Variants in SLC30A9 observed in about 807,000 individuals in gnomAD.
SLC30A9 encodes proton-coupled zinc antiporter SLC30A9, mitochondrial.
Under a neutral mutation model 87.5 loss-of-function variants are expected in SLC30A9, and 58 were observed. The observed-to-expected ratio is 0.66, with a 90% CI of 0.54 to 0.82. The LOEUF (loss-of-function observed/expected upper bound fraction) is 0.82, where lower values mean the gene tolerates loss of function less well. SLC30A9 is among the 40% of genes least tolerant of loss of function. SLC30A9 has a pLI of 0.00. For synonymous variants in SLC30A9, 234 were observed against 233.0 expected (o/e 1.00, Z -0.04); for missense variants, 557 against 679.1 (o/e 0.82, Z 2.00).
At chr4:42,026,665 G>A (rs1283628005) in intron 6 of SLC30A9, among the ~76,000 whole-genome samples, 1 of 150,158 alleles carries the variant, frequency 6.7e-6, no homozygotes, top group African/African-American at 2.4e-5. Context: ...GGTTTGAGAA[G>A]TTAATAAATT....
intron 17 of SLC30A9, among the ~76,000 whole-genome samples, chr4:42,085,313 G>C (rs1221980011): frequency 6.6e-6 from 1 of 152,162 alleles, no homozygotes; most frequent in East Asian, 1.9e-4. Flanking sequence ...CAGTGTAATA[G>C]GAGCTTGGGA....
intron 2 of SLC30A9, among the ~76,000 whole-genome samples, chr4:42,007,393 A>G (rs1255389042): frequency 2.0e-5 from 3 of 152,156 alleles, no homozygotes; most frequent in Non-Finnish European, 2.9e-5. Context: ...TTAACAGATG[A>G]TGCAGTGACC....
intron 2 of SLC30A9, among the ~76,000 whole-genome samples, chr4:42,005,185 C>A (rs886342599): frequency 6.6e-6 from 1 of 152,058 alleles, no homozygotes; most frequent in African/African-American, 2.4e-5. Context: ...ACTGTGAGTT[C>A]TTCATTTTCC....
At chr4:42,036,471 T>G (rs1716679904) in intron 7 of SLC30A9, among the ~76,000 whole-genome samples, 1 of 152,144 alleles carries the variant, frequency 6.6e-6, no homozygotes, top group Non-Finnish European at 1.5e-5. Context: ...TGAAATGACT[T>G]ACCAAAGTCC....
chr4:42,001,847 C>G, intron 2 of SLC30A9, 67 bp downstream of exon 2: 2 of 1,164,966 alleles, frequency 1.7e-6, no homozygotes, highest in Non-Finnish European at 2.4e-6. Context: ...ATTATTTGTT[C>G]CCTGGATGTT....
At chr4:42,010,896 G>T (rs1275955403) in intron 2 of SLC30A9, among the ~76,000 whole-genome samples, 1 of 152,176 alleles carries the variant, frequency 6.6e-6, no homozygotes. Flanking sequence ...TAGGAGTTTG[G>T]CTTGTTTGGA....
rs11935648 is a variant in SLC30A9, at chr4:42,088,366, G to A, written c.*2240G>A. The A allele has an allele frequency of 0.65, 99,655 of 152,458 alleles. 37,068 individuals are homozygous for A. The highest frequency in any genetic ancestry group is 0.96 in the East Asian group (5,002 of 5,192). 9.4% of individuals were successfully genotyped at this position (152,458 alleles called of 1,614,324 possible). On this transcript the variant is annotated 3_prime_UTR_variant, in exon 18 of 18. Transcript: ENST00000264451. ...TCAAGACCAGCCTGGGCAACACAGC[G>A]AGACCTCATCTCTACTAAAAAAAGT...
chr4:42,029,179 G>A (rs1577694730), intron 6 of SLC30A9: 1 of 370,926 alleles, frequency 2.7e-6, no homozygotes, highest in Admixed American at 3.8e-5. Context: ...CCACCCTTCC[G>A]ACTGCGGCAG....
At position 42,030,599 on chromosome 4, in the gene SLC30A9, T is replaced by G. The variant is rs76510460; in HGVS notation, c.611-4676T>G. Among the ~76,000 whole-genome samples, 175 of 148,484 alleles carry G rather than the reference T, an allele frequency of 1.2e-3. 1 individual carries two copies. The highest frequency in any genetic ancestry group is 3.8e-3 in the African/African-American group (151 of 40,184). Reference sequence around the variant, plus strand: ...GCATGGTCTTTTTTTTTTTTTTTTTTGGGCTCTTTCAAAGATAATGGCCCA... The same window carrying G: ...GCATGGTCTTTTTTTTTTTTTTTTTGGGGCTCTTTCAAAGATAATGGCCCA... On this transcript the variant is annotated intron_variant, in intron 6 of 17. Transcript: ENST00000264451.
chr4:42,010,985 C>T (rs1715416316), intron 2 of SLC30A9, among the ~76,000 whole-genome samples: 1 of 152,086 alleles, frequency 6.6e-6, no homozygotes, highest in South Asian at 2.1e-4. Flanking sequence ...CCCACCCCCA[C>T]AGAAGGAGAC....
chr4:41,996,099 T>G (rs1714686486), intron 1 of SLC30A9, among the ~76,000 whole-genome samples: 1 of 152,004 alleles, frequency 6.6e-6, no homozygotes, highest in South Asian at 2.1e-4. Context: ...TTTTTTATTT[T>G]TTGTGGTTTT....
chr4:42,070,430 G>C, intron 14 of SLC30A9, 96 bp from the exon 15 acceptor site: 1 of 884,272 alleles, frequency 1.1e-6, no homozygotes, highest in Non-Finnish European at 1.7e-6. Context: ...AATTTCAAGT[G>C]CCTTGATTTA....
chr4:42,010,220 A>G (rs912847797), intron 2 of SLC30A9, among the ~76,000 whole-genome samples: 2 of 152,168 alleles, frequency 1.3e-5, no homozygotes, highest in African/African-American at 4.8e-5. Context: ...CACACCTGTA[A>G]TCTAGCACTT....
At chr4:42,002,788 C>G (rs1357987667) in intron 2 of SLC30A9, among the ~76,000 whole-genome samples, 5 of 152,022 alleles carry the variant, frequency 3.3e-5, no homozygotes, top group African/African-American at 1.2e-4. Context: ...TTGATATACA[C>G]TCCCTGATGG....
intron 7 of SLC30A9, 54 bp downstream of exon 7, chr4:42,035,387 A>G (rs1260953202): frequency 7.6e-6 from 12 of 1,572,042 alleles, no homozygotes; most frequent in East Asian, 4.5e-5. Flanking sequence ...CAAAATTCTA[A>G]TATCAGTCCA....
At chr4:42,067,232 C>A in intron 14 of SLC30A9, 40 bp downstream of exon 14, 1 of 1,211,884 alleles carries the variant, frequency 8.3e-7, no homozygotes, top group Non-Finnish European at 1.2e-6. Context: ...ATTTGTCCTA[C>A]TTAAATAATT....
chr4:42,083,268 C>A (rs73812714), intron 17 of SLC30A9, among the ~76,000 whole-genome samples: 1 of 152,250 alleles, frequency 6.6e-6, no homozygotes, highest in South Asian at 2.1e-4. Context: ...CTTTAACTCT[C>A]TGCAAGTATT....
At chr4:42,049,616 A>G (rs1717308354) in intron 9 of SLC30A9, 137 bp downstream of exon 9, 2 of 470,532 alleles carry the variant, frequency 4.3e-6, no homozygotes, top group South Asian at 4.4e-5. Flanking sequence ...CTTTTCAGCA[A>G]TGAAGTGCAT....
chr4:42,063,834 C>A (rs939313551), intron 11 of SLC30A9, among the ~76,000 whole-genome samples: 1 of 152,114 alleles, frequency 6.6e-6, no homozygotes, highest in Non-Finnish European at 1.5e-5. Context: ...ACATAGCCTA[C>A]CCTCTCAGCT....
Sources: allele counts gnomAD v4.1 joint callset (sites outside exome capture counted in the v4.1 genomes callset), GRCh38; gene constraint gnomAD v4.1.1; transcripts MANE v1.5; gene names NCBI Gene and HGNC (gene_info 2026-07-23, HGNC 2026-07-21).